Variants in TMPRSS15 observed in about 807,000 individuals in gnomAD.
TMPRSS15 encodes the protein enteropeptidase.
In TMPRSS15, 128 loss-of-function variants were observed where a neutral mutation model predicts 125.3. The ratio of observed to expected loss-of-function variants is 1.02; its 90% CI spans 0.89 to 1.18. TMPRSS15 has a LOEUF of 1.18. TMPRSS15 is among the 50% of genes most tolerant of loss of function. The pLI is 0.00. For synonymous variants in TMPRSS15, 446 were observed against 423.2 expected, an observed-to-expected ratio of 1.05 and a Z score of -0.66; for missense variants, 1,283 against 1,212.7, an observed-to-expected ratio of 1.06 and a Z score of -0.86.
upstream of TMPRSS15, among the ~76,000 whole-genome samples, chr21:18,404,661 C>T (rs920220241): frequency 1.3e-5 from 2 of 151,994 alleles, no homozygotes; most frequent in African/African-American, 4.8e-5. Flanking sequence ...ACCAATGTGA[C>T]TTTTATTCTG....
At chr21:18,389,550 T>C (rs895833324) in intron 3 of TMPRSS15, among the ~76,000 whole-genome samples, 6 of 152,120 alleles carry the variant, frequency 3.9e-5, no homozygotes, top group African/African-American at 1.4e-4. Flanking sequence ...AATTTGCCAC[T>C]TAGAGAAATA....
At chr21:18,346,486 C>T (rs1429194372) in intron 10 of TMPRSS15, among the ~76,000 whole-genome samples, 2 of 152,206 alleles carry the variant, frequency 1.3e-5, no homozygotes, top group Non-Finnish European at 1.5e-5. Context: ...TTAAAGGCCA[C>T]TATTACATCT....
chr21:18,443,233 G>A (rs1466889829), intron 1 of TMPRSS15, among the ~76,000 whole-genome samples: 2 of 152,166 alleles, frequency 1.3e-5, no homozygotes, highest in Non-Finnish European at 2.9e-5. Context: ...TGCTGCTCTC[G>A]TAGAGAACAG....
chr21:18,326,048 A>G (rs2075286159), intron 16 of TMPRSS15, among the ~76,000 whole-genome samples: 1 of 152,088 alleles, frequency 6.6e-6, no homozygotes, highest in South Asian at 2.1e-4. Context: ...TGGCATGCCA[A>G]CAGCTCTCTT....
At chr21:18,378,373 T>C (rs1279924887) in intron 5 of TMPRSS15, among the ~76,000 whole-genome samples, 2 of 152,126 alleles carry the variant, frequency 1.3e-5, no homozygotes, top group African/African-American at 4.8e-5. Context: ...TAAATACAAC[T>C]GCAGAAAGGC....
intron 7 of TMPRSS15, among the ~76,000 whole-genome samples, chr21:18,360,511 C>T (rs1453305393): frequency 1.3e-5 from 2 of 152,044 alleles, no homozygotes; most frequent in African/African-American, 4.8e-5. Flanking sequence ...GCAGCTGCAC[C>T]ATTTCAGGTC....
At chr21:18,482,436 T>A (rs1244429052) in intron 1 of TMPRSS15, among the ~76,000 whole-genome samples, 1 of 151,576 alleles carries the variant, frequency 6.6e-6, no homozygotes, top group South Asian at 2.1e-4. Context: ...AAGAGAAGAC[T>A]TGAATTTTTC....
At chr21:18,448,008 C>T (rs570997212) in intron 1 of TMPRSS15, among the ~76,000 whole-genome samples, 51 of 151,990 alleles carry the variant, frequency 3.4e-4, no homozygotes, top group Non-Finnish European at 6.6e-4. Context: ...CTTATACACT[C>T]TTGGTGAGAA....
intron 1 of TMPRSS15, among the ~76,000 whole-genome samples, chr21:18,448,868 T>C (rs2076261237): frequency 1.3e-5 from 2 of 152,194 alleles, no homozygotes; most frequent in South Asian, 4.1e-4. Flanking sequence ...GTAAAAATAA[T>C]GATAAACTAT....
intron 5 of TMPRSS15, among the ~76,000 whole-genome samples, chr21:18,374,779 G>A (rs939181589): frequency 2.6e-5 from 4 of 152,090 alleles, no homozygotes; most frequent in African/African-American, 9.7e-5. Context: ...TGGTCCACAT[G>A]AAAGATGAGG....
rs745480997 is a variant in TMPRSS15, at chr21:18,269,950, G to GTT, written c.*17_*18dup. On this transcript the variant is annotated 3_prime_UTR_variant, in exon 25 of 25. Coordinates refer to ENST00000284885, the MANE Select transcript of TMPRSS15 (RefSeq NM_002772.3). ...AATGGGAAAATAATGCGACTTTCCT[G>GTT]TTTAGTTTAAGAAATGCGCTAATGT... 38 of 1,613,034 alleles carry GTT rather than the reference G, an allele frequency of 2.4e-5. No individual in the cohort carries two copies. Among genetic ancestry groups the GTT allele is most frequent in the Non-Finnish European group, 3.1e-5 (36 of 1,179,342 alleles).
intron 21 of TMPRSS15, among the ~76,000 whole-genome samples, chr21:18,293,784 T>TAAAAAAAAAA (rs1271234999): frequency 1.3e-5 from 2 of 152,224 alleles, no homozygotes; most frequent in East Asian, 3.8e-4. Context: ...ACTTAAGAAC[T>TAAAAAAAAAA]AAATACTTTT....
chr21:18,420,550 C>A lies in TMPRSS15; in HGVS notation c.11-22221G>T, dbSNP rs185321743. 2.0e-3 allele frequency among the ~76,000 whole-genome samples: 309 copies of A among 152,202 alleles called. 2 individuals carry two copies. The highest frequency in any genetic ancestry group is 4.9e-4 in the Non-Finnish European group (33 of 68,000). The stretch of plus-strand genomic sequence containing the variant: ...TTACCTAAAACAATTAGTAATTTGC[C>A]TTTGACTTAGTGATATTTGTCATTG... On this transcript the variant is annotated intron_variant, in intron 1 of 7. Transcript: ENST00000422787.
intron 13 of TMPRSS15, among the ~76,000 whole-genome samples, chr21:18,337,626 A>C (rs1418954567): frequency 6.6e-6 from 1 of 152,222 alleles, no homozygotes; most frequent in Non-Finnish European, 1.5e-5. Flanking sequence ...AGCCGAACTT[A>C]CATTTCCTCA....
chr21:18,440,089 T>C (rs1264620554), intron 1 of TMPRSS15, among the ~76,000 whole-genome samples: 1 of 152,058 alleles, frequency 6.6e-6, no homozygotes, highest in Non-Finnish European at 1.5e-5. Context: ...AAAACTGTAG[T>C]GATGGCCGGG....
chr21:18,389,658 A>G (rs1344927944), intron 3 of TMPRSS15, among the ~76,000 whole-genome samples: 1 of 152,162 alleles, frequency 6.6e-6, no homozygotes. Context: ...TTGTTCCAAC[A>G]GGAGATGGGA....
At chr21:18,421,940 G>A (rs1182946061) in intron 1 of TMPRSS15, among the ~76,000 whole-genome samples, 1 of 151,628 alleles carries the variant, frequency 6.6e-6, no homozygotes, top group African/African-American at 2.4e-5. Flanking sequence ...CTAAAACTAC[G>A]AGAGTTTCTG....
chr21:18,476,280 G>A (rs1398482250), intron 1 of TMPRSS15, among the ~76,000 whole-genome samples: 1 of 152,056 alleles, frequency 6.6e-6, no homozygotes, highest in Non-Finnish European at 1.5e-5. Flanking sequence ...GACAAGAAAA[G>A]ATACATTTAC....
chr21:18,433,627 G>T (rs1427024902), intron 1 of TMPRSS15, among the ~76,000 whole-genome samples: 2 of 123,278 alleles, frequency 1.6e-5, no homozygotes, highest in African/African-American at 6.4e-5. Context: ...TTGTGCTACT[G>T]CACTCCAGCC....
Sources: gnomAD v4.1 joint callset for allele counts (sites outside exome capture counted in the v4.1 genomes callset) on GRCh38, gnomAD v4.1.1 for gene constraint, MANE v1.5 for transcripts, NCBI Gene and HGNC (gene_info 2026-07-23, HGNC 2026-07-21) for gene names.